Variants in ANK1 observed in about 807,000 individuals in gnomAD.
The protein encoded by ANK1 is ankyrin-1.
Under a neutral mutation model 210.4 loss-of-function variants are expected in ANK1, and 51 were observed. The observed-to-expected ratio is 0.24, with a 90% CI of 0.19 to 0.31. The LOEUF (loss-of-function observed/expected upper bound fraction) is 0.31, where lower values mean the gene tolerates loss of function less well. Ranked by LOEUF, ANK1 falls within the 10% of genes least tolerant of loss-of-function variation. The pLI, the probability that ANK1 is intolerant of heterozygous loss-of-function variation, is 1.00. For synonymous variants in ANK1, 967 were observed against 1,025.9 expected (o/e 0.94, Z 1.10); for missense variants, 2,051 against 2,504.4 (o/e 0.82, Z 3.86).
At position 41,725,864 on chromosome 8, in the gene ANK1, C is replaced by T; in HGVS notation, c.509G>A (p.Gly170Glu). Residue 170 changes from glycine (G) to glutamate (E), a missense_variant, in exon 6 of 43, where the codon GGG becomes GAG. By Grantham distance (98) the Gly-to-Glu change is moderately conservative. This residue lies in a region of ANK1 where 1,413 missense variants were observed against 1,707.4 expected (regional missense o/e 0.83). Coordinates refer to ENST00000289734, the MANE Select transcript of ANK1 (RefSeq NM_000037.4). Reference protein sequence around the residue: ...VAHLINYGTKGKVRLPALHIA... With the variant: ...VAHLINYGTKEKVRLPALHIA... ...GTGCAGGGCCGGGAGGCGCACCTTC[C>T]CCTTGGTGCCGTAGTTGATGAGGTG... 1 of 1,612,802 alleles carries T rather than the reference C, an allele frequency of 6.2e-7. No homozygotes were observed. Among genetic ancestry groups the T allele is most frequent in the East Asian group, 2.2e-5 (1 of 44,852 alleles).
chr8:41,668,455 T>G lies in ANK1; in HGVS notation c.5206A>C (p.Ser1736Arg). The G allele has an allele frequency of 6.2e-7, 1 of 1,614,256 alleles. No homozygotes were observed. Among genetic ancestry groups the G allele is most frequent in the Non-Finnish European group, 8.5e-7 (1 of 1,180,038 alleles). The change falls in exon 39 of 43, where the codon AGT becomes CGT. Residue 1736 changes from serine (S) to arginine (R), a missense_variant. Ser to Arg is a moderately radical substitution (Grantham distance 110). Coordinates refer to ENST00000289734, the MANE Select transcript of ANK1 (RefSeq NM_000037.4). ...GGCTCTAGCCCTTCAGTCATGGTAC[T>G]TGTTCCCTGGAATGAGTGTGGACCT... is the stretch of plus-strand genomic sequence containing the variant. ...TQGPHSFQGT[S>R]TMTEGLEPGG...
chr8:41,767,799 C>T (rs1842185002), intron 1 of ANK1, among the ~76,000 whole-genome samples: 2 of 152,300 alleles, frequency 1.3e-5, no homozygotes, highest in Admixed American at 1.3e-4. Flanking sequence ...TGGCCTCCCT[C>T]CCTGCCTCCC....
chr8:41,775,146 G>A (rs1402586650), intron 1 of ANK1, among the ~76,000 whole-genome samples: 1 of 152,052 alleles, frequency 6.6e-6, no homozygotes, highest in Non-Finnish European at 1.5e-5. Context: ...CCCAGGCGTT[G>A]GACAGCCCTG....
At chr8:41,753,426 C>T (rs967849952) in intron 2 of ANK1, among the ~76,000 whole-genome samples, 1 of 152,022 alleles carries the variant, frequency 6.6e-6, no homozygotes, top group African/African-American at 2.4e-5. Context: ...CTCCCCCAGA[C>T]CCCTTCCCCT....
intron 37 of ANK1, among the ~76,000 whole-genome samples, chr8:41,680,401 T>C (rs1008787389): frequency 6.6e-6 from 1 of 151,782 alleles, no homozygotes; most frequent in African/African-American, 2.4e-5. Flanking sequence ...CCGTCTCTAC[T>C]AAAATATAAA....
At chr8:41,789,602 A>G (rs775068831) in intron 1 of ANK1, among the ~76,000 whole-genome samples, 1 of 152,224 alleles carries the variant, frequency 6.6e-6, no homozygotes, top group Non-Finnish European at 1.5e-5. Flanking sequence ...GCACCAGGCA[A>G]TCTGGACATT....
chr8:41,823,802 C>T (rs1804877893), intron 1 of ANK1, among the ~76,000 whole-genome samples: 1 of 152,080 alleles, frequency 6.6e-6, no homozygotes. Flanking sequence ...AAACACTGCC[C>T]ACACAGTGAA....
At chr8:41,775,145 T>C (rs1016705138) in intron 1 of ANK1, among the ~76,000 whole-genome samples, 1 of 151,862 alleles carries the variant, frequency 6.6e-6, no homozygotes, top group Non-Finnish European at 1.5e-5. Context: ...GCCCAGGCGT[T>C]GGACAGCCCT....
chr8:41,667,551 G>A (rs1008778317), intron 39 of ANK1, among the ~76,000 whole-genome samples: 2 of 152,134 alleles, frequency 1.3e-5, no homozygotes, highest in African/African-American at 2.4e-5. Flanking sequence ...GATTGGCCAC[G>A]AGTAGATCAT....
At chr8:41,756,124 TTTTA>T (rs1409044645) in intron 2 of ANK1, among the ~76,000 whole-genome samples, 4 of 152,092 alleles carry the variant, frequency 2.6e-5, no homozygotes, top group African/African-American at 4.8e-5. Context: ...GTATTTTGCA[TTTTA>T]TTTATTTATT....
intron 16 of ANK1, among the ~76,000 whole-genome samples, chr8:41,711,877 T>G (rs1826230950): frequency 6.6e-6 from 1 of 152,136 alleles, no homozygotes; most frequent in African/African-American, 2.4e-5. Flanking sequence ...AAAGACTTTA[T>G]GGAGTTTGGT....
intron 1 of ANK1, among the ~76,000 whole-genome samples, chr8:41,772,004 TC>T (rs1435894159): frequency 6.6e-6 from 1 of 152,178 alleles, no homozygotes; most frequent in East Asian, 1.9e-4. Flanking sequence ...GGAGAACAGG[TC>T]CGGGCTGCTT....
intron 16 of ANK1, among the ~76,000 whole-genome samples, chr8:41,711,303 C>T (rs1287781377): frequency 1.3e-5 from 2 of 152,194 alleles, no homozygotes; most frequent in East Asian, 3.8e-4. Context: ...ACACAGATCC[C>T]ATCTAGGCCA....
chr8:41,670,185 T>C (rs1353449314), intron 38 of ANK1, among the ~76,000 whole-genome samples: 1 of 152,146 alleles, frequency 6.6e-6, no homozygotes, highest in Non-Finnish European at 1.5e-5. Context: ...TTAGTTTCCC[T>C]GCTAGAACCA....
At position 41,886,132 on chromosome 8, in the gene ANK1, T is replaced by C. The variant is rs1818401583; in HGVS notation, c.126+10223A>G. ...TTTTAAGTCTTCATCTATTTACCCA[T>C]TCAGGGCTCAGGTGCAGACATGTGT... On this transcript the variant is annotated intron_variant, in intron 1 of 42. Transcript: ENST00000265709. 2.0e-5 allele frequency among the ~76,000 whole-genome samples: 3 copies of C among 152,194 alleles called. No individual in the cohort carries two copies. The South Asian group carries it at 6.2e-4, about 32-fold the overall frequency.
At chr8:41,708,707 G>A (rs973506628) in intron 17 of ANK1, 71 bp downstream of exon 17, 20 of 1,554,084 alleles carry the variant, frequency 1.3e-5, no homozygotes, top group Non-Finnish European at 1.8e-5. Flanking sequence ...GGCACACATA[G>A]ATGCTCAATA....
At chr8:41,780,180 C>A (rs1844977372) in intron 1 of ANK1, among the ~76,000 whole-genome samples, 1 of 152,154 alleles carries the variant, frequency 6.6e-6, no homozygotes, top group African/African-American at 2.4e-5. Flanking sequence ...GCCAATCAGA[C>A]CAGACAGTTG....
At chr8:41,671,979 A>G (rs1175705587) in intron 38 of ANK1, among the ~76,000 whole-genome samples, 2 of 143,818 alleles carry the variant, frequency 1.4e-5, no homozygotes, top group Admixed American at 1.4e-4. Flanking sequence ...TCCCTAAGTG[A>G]GCACTCCAGG....
chr8:41,665,065 C>T, intron 39 of ANK1: 2 of 1,604,898 alleles, frequency 1.2e-6, no homozygotes, highest in Non-Finnish European at 1.7e-6. Context: ...AGCCAGGGCC[C>T]CGGCCACCAC....
Sources: allele counts gnomAD v4.1 joint callset (sites outside exome capture counted in the v4.1 genomes callset), GRCh38; gene constraint gnomAD v4.1.1; regional missense constraint gnomAD v4.1.1; transcripts MANE v1.5; gene names NCBI Gene and HGNC (gene_info 2026-07-23, HGNC 2026-07-21).